Variants in PKIG observed in about 807,000 individuals in gnomAD.
The protein encoded by PKIG is protein kinase (cAMP-dependent, catalytic) inhibitor gamma.
Under a neutral mutation model 6.8 loss-of-function variants are expected in PKIG, and 1 was observed. The observed-to-expected ratio is 0.15, with a 90% CI of 0.05 to 0.69. The LOEUF (loss-of-function observed/expected upper bound fraction) is 0.69. PKIG is among the 30% of genes least tolerant of loss of function. The pLI is 0.82. For missense variants in PKIG, 77 were observed against 104.0 expected (o/e 0.74, Z 1.13); for synonymous variants, 39 against 43.0 (o/e 0.91, Z 0.36).
intron 1 of PKIG, among the ~76,000 whole-genome samples, chr20:44,554,012 T>C (rs1476713625): frequency 6.6e-6 from 1 of 151,974 alleles, no homozygotes; most frequent in Non-Finnish European, 1.5e-5. Flanking sequence ...TGGCACAAAA[T>C]AAATTCAGAG....
rs113148587 is a variant in PKIG, at chr20:44,594,853, G to A, written c.-24+4987G>A. 1.7e-3 allele frequency among the ~76,000 whole-genome samples: 262 copies of A among 152,266 alleles called. 2 individuals are homozygous for A. Among genetic ancestry groups the A allele is most frequent in the African/African-American group, 6.1e-3 (252 of 41,528 alleles). ...TCCTTTTCACTGTTGTCATAGCAAG[G>A]GTCTCATCTGGAGGGAAGCTGCCTT... is the stretch of plus-strand genomic sequence containing the variant. On this transcript the variant is annotated intron_variant, in intron 2 of 3. Transcript: ENST00000372886.
chr20:44,579,001 G>A (rs956712987), upstream of PKIG, among the ~76,000 whole-genome samples: 1 of 152,090 alleles, frequency 6.6e-6, no homozygotes, highest in Non-Finnish European at 1.5e-5. Flanking sequence ...TGAGACCCCC[G>A]TCTCTACAAC....
chr20:44,564,760 G>A (rs1254394777), intron 1 of PKIG, among the ~76,000 whole-genome samples: 3 of 152,142 alleles, frequency 2.0e-5, no homozygotes, highest in African/African-American at 7.2e-5. Flanking sequence ...TTGATCCCAA[G>A]TCCATCTCAG....
chr20:44,606,764 A>G (rs1489624438), intron 2 of PKIG, among the ~76,000 whole-genome samples: 3 of 152,218 alleles, frequency 2.0e-5, no homozygotes, highest in African/African-American at 7.2e-5. Context: ...AGCCGAGACC[A>G]TGCCACTGCA....
At chr20:44,588,129 C>G (rs940809121) in intron 1 of PKIG, among the ~76,000 whole-genome samples, 16 of 152,132 alleles carry the variant, frequency 1.1e-4, no homozygotes, top group African/African-American at 3.6e-4. Flanking sequence ...TTGAGCTGAG[C>G]CTTCAATAAA....
intron 1 of PKIG, among the ~76,000 whole-genome samples, chr20:44,560,219 G>A (rs912333298): frequency 2.2e-4 from 34 of 152,050 alleles, no homozygotes; most frequent in Middle Eastern, 3.4e-3. Flanking sequence ...CACTGCACAG[G>A]AGCCTAGGTG....
At chr20:44,597,196 A>G (rs1326411488) in intron 2 of PKIG, among the ~76,000 whole-genome samples, 3 of 152,118 alleles carry the variant, frequency 2.0e-5, no homozygotes, top group Non-Finnish European at 4.4e-5. Flanking sequence ...TATTAGAATA[A>G]TAATAATTCC....
upstream of PKIG, among the ~76,000 whole-genome samples, chr20:44,581,345 A>G (rs2064946632): frequency 6.6e-6 from 1 of 152,154 alleles, no homozygotes; most frequent in Admixed American, 6.5e-5. Flanking sequence ...GTTTCCTTAC[A>G]TGTGTTTTTT....
chr20:44,575,717 A>G (rs1249914520), intron 1 of PKIG, among the ~76,000 whole-genome samples: 1 of 152,180 alleles, frequency 6.6e-6, no homozygotes, highest in Non-Finnish European at 1.5e-5. Context: ...GCCCTCGATC[A>G]ATCCTAGGCA....
intron 1 of PKIG, among the ~76,000 whole-genome samples, chr20:44,567,255 C>G (rs1013998733): frequency 6.6e-6 from 1 of 152,138 alleles, no homozygotes; most frequent in Non-Finnish European, 1.5e-5. Flanking sequence ...CCTGCCATTG[C>G]GCAGCACCTG....
At chr20:44,617,740 C>CT in intron 3 of PKIG, among the ~76,000 whole-genome samples, 1 of 152,112 alleles carries the variant, frequency 6.6e-6, no homozygotes, top group African/African-American at 2.4e-5. Flanking sequence ...GTTCAGTGCT[C>CT]TTTACTCTCT....
At chr20:44,542,842 C>T (rs763365647) in intron 1 of PKIG, among the ~76,000 whole-genome samples, 28 of 152,214 alleles carry the variant, frequency 1.8e-4, no homozygotes, top group Non-Finnish European at 3.4e-4. Context: ...ATAGGCCCAC[C>T]TCACCCTCCC....
chr20:44,584,078 C>T (rs541503305), intron 1 of PKIG, among the ~76,000 whole-genome samples: 2 of 152,204 alleles, frequency 1.3e-5, no homozygotes, highest in Admixed American at 1.3e-4. Context: ...AAGCACTAGG[C>T]CCTATGTTAT....
chr20:44,535,226 A>G (rs1313825143), intron 1 of PKIG, among the ~76,000 whole-genome samples: 1 of 152,188 alleles, frequency 6.6e-6, no homozygotes, highest in Non-Finnish European at 1.5e-5. Flanking sequence ...CAGGATGAGT[A>G]AGGTAAAGTA....
At chr20:44,536,809 T>C (rs928359668) in intron 1 of PKIG, among the ~76,000 whole-genome samples, 1 of 152,256 alleles carries the variant, frequency 6.6e-6, no homozygotes, top group Non-Finnish European at 1.5e-5. Context: ...ATACTTGAAC[T>C]TCTGTTAATT....
rs538537318 is a variant in PKIG at position 44,613,847 on chromosome 20, C to G, written c.-23-687C>G. ...CTAAAGCCCCTCAGGAACCAAGTTCCAGATGTGGTCTGGCTCCTGCCTACC... is the reference window on the plus strand; with the variant it reads ...CTAAAGCCCCTCAGGAACCAAGTTCGAGATGTGGTCTGGCTCCTGCCTACC... On this transcript the variant is annotated intron_variant, in intron 2 of 3. Coordinates refer to ENST00000372886, the MANE Select transcript of PKIG (RefSeq NM_001281445.2). 8.5e-5 allele frequency among the ~76,000 whole-genome samples: 13 copies of G among 152,296 alleles called. No individual in the cohort carries two copies. In the East Asian group the frequency reaches 2.3e-3, roughly 27 times the overall value.
chr20:44,558,663 T>TCCTC (rs890475934), intron 1 of PKIG, among the ~76,000 whole-genome samples: 2 of 150,888 alleles, frequency 1.3e-5, no homozygotes, highest in Non-Finnish European at 2.9e-5. Context: ...CTTCCTTCCT[T>TCCTC]CCTCTCTCTC....
At chr20:44,597,788 C>A (rs1222208814) in intron 2 of PKIG, among the ~76,000 whole-genome samples, 1 of 152,196 alleles carries the variant, frequency 6.6e-6, no homozygotes, top group Non-Finnish European at 1.5e-5. Context: ...CAGTCTCCAT[C>A]CTACTGTGAA....
At chr20:44,596,219 T>C (rs1452388120) in intron 2 of PKIG, among the ~76,000 whole-genome samples, 2 of 152,234 alleles carry the variant, frequency 1.3e-5, no homozygotes, top group Non-Finnish European at 2.9e-5. Context: ...TTTCTGTGTG[T>C]ATTTGTCGAA....
Sources: gnomAD v4.1 joint callset for allele counts (sites outside exome capture counted in the v4.1 genomes callset) on GRCh38, gnomAD v4.1.1 for gene constraint, MANE v1.5 for transcripts, NCBI Gene and HGNC (gene_info 2026-07-23, HGNC 2026-07-21) for gene names.